Variants in PLCG2 observed in about 807,000 individuals in gnomAD.
The protein encoded by PLCG2 is phospholipase C gamma 2.
Under a neutral mutation model 175.6 loss-of-function variants are expected in PLCG2, and 69 were observed. That is an observed-to-expected ratio of 0.39 (90% CI 0.32 to 0.48). PLCG2 has a LOEUF of 0.48. Ranked by LOEUF, PLCG2 falls within the 20% of genes least tolerant of loss-of-function variation. The probability of loss-of-function intolerance (pLI) is 0.91; values close to 1 mark genes in which losing one functional copy is unlikely to be tolerated. For synonymous variants in PLCG2, 827 were observed against 624.0 expected, an observed-to-expected ratio of 1.33 and a Z score of -4.85; for missense variants, 1,798 against 1,650.9, an observed-to-expected ratio of 1.09 and a Z score of -1.54.
At chr16:81,860,461 C>T (rs918253000) in intron 5 of PLCG2, among the ~76,000 whole-genome samples, 3 of 151,928 alleles carry the variant, frequency 2.0e-5, no homozygotes, top group East Asian at 1.9e-4. Flanking sequence ...AGTTTGATAG[C>T]GAGAGGTAGC....
chr16:81,928,804 A>G (rs978274395), intron 24 of PLCG2, 180 bp downstream of exon 24: 35 of 553,634 alleles, frequency 6.3e-5, no homozygotes, highest in Admixed American at 3.2e-4. Flanking sequence ...TATGTCTGCT[A>G]TTAATCTCTA....
At chr16:81,906,431 T>G (rs1428431168) in intron 15 of PLCG2, 1 of 152,222 alleles carries the variant, frequency 6.6e-6, no homozygotes, top group East Asian at 1.9e-4. Flanking sequence ...TATTTATTAC[T>G]TATTTATTTA....
At chr16:81,835,470 T>G (rs1905465798) in intron 2 of PLCG2, among the ~76,000 whole-genome samples, 1 of 152,026 alleles carries the variant, frequency 6.6e-6, no homozygotes, top group Non-Finnish European at 1.5e-5. Flanking sequence ...GTGACACTAC[T>G]TGGGAGGCTG....
chr16:81,791,438 A>G (rs562394196), intron 2 of PLCG2, among the ~76,000 whole-genome samples: 142 of 152,272 alleles, frequency 9.3e-4, no homozygotes, highest in African/African-American at 3.3e-3. Flanking sequence ...CAGCTGGGCA[A>G]TTCTTCTACT....
intron 24 of PLCG2, among the ~76,000 whole-genome samples, chr16:81,930,839 G>A (rs903481602): frequency 6.6e-6 from 1 of 151,760 alleles, no homozygotes; most frequent in East Asian, 1.9e-4. Flanking sequence ...AATATGCTAA[G>A]TGAAACAGTT....
chr16:81,939,721 AG>A (rs1215713388), intron 29 of PLCG2, among the ~76,000 whole-genome samples, 170 bp from the exon 30 acceptor site: 2 of 152,190 alleles, frequency 1.3e-5, no homozygotes, highest in Non-Finnish European at 2.9e-5. Context: ...GGATTGCTCA[AG>A]GTGGGGTGGG....
At chr16:81,753,975 G>A (rs980560217) in intron 1 of PLCG2, among the ~76,000 whole-genome samples, 5 of 152,098 alleles carry the variant, frequency 3.3e-5, no homozygotes, top group Non-Finnish European at 7.4e-5. Context: ...CTGAGCCTGT[G>A]TGAGGCGCTG....
intron 9 of PLCG2, among the ~76,000 whole-genome samples, chr16:81,885,635 A>T (rs912925963): frequency 3.1e-4 from 38 of 120,816 alleles, no homozygotes; most frequent in South Asian, 1.7e-3. Flanking sequence ...TTTTTTTTTT[A>T]AAATATAGCC....
chr16:81,900,497 C>T (rs1484824210), intron 13 of PLCG2, 115 bp from the exon 14 acceptor site: 4 of 876,168 alleles, frequency 4.6e-6, no homozygotes, highest in South Asian at 4.1e-5. Context: ...GGGGTTGTGC[C>T]CCCCGAGCAG....
chr16:81,888,994 C>T (rs572645118), intron 9 of PLCG2, among the ~76,000 whole-genome samples, 178 bp from the exon 10 acceptor site: 1 of 152,186 alleles, frequency 6.6e-6, no homozygotes, highest in South Asian at 2.1e-4. Context: ...AGAACATTTG[C>T]TGACCCCTGG....
At chr16:81,855,240 T>C (rs7192115) in intron 3 of PLCG2, among the ~76,000 whole-genome samples, 39,755 of 151,072 alleles carry the variant, frequency 0.26, 5,655 homozygotes, top group Non-Finnish European at 0.32. Context: ...ACCTGTTTTC[T>C]TCCAGCAGAT....
At chr16:81,794,889 C>T (rs1911398160) in intron 2 of PLCG2, among the ~76,000 whole-genome samples, 1 of 152,170 alleles carries the variant, frequency 6.6e-6, no homozygotes, top group Admixed American at 6.5e-5. Flanking sequence ...TATGTGTCCT[C>T]CACTTTGGAG....
intron 31 of PLCG2, among the ~76,000 whole-genome samples, chr16:81,950,184 G>T (rs1372721785): frequency 6.6e-6 from 1 of 152,100 alleles, no homozygotes; most frequent in African/African-American, 2.4e-5. Flanking sequence ...TATTAGAAAA[G>T]AAATCTACCT....
intron 2 of PLCG2, among the ~76,000 whole-genome samples, chr16:81,765,054 C>G (rs903385805): frequency 6.6e-6 from 1 of 152,238 alleles, no homozygotes; most frequent in Admixed American, 6.5e-5. Flanking sequence ...CCCCATTGCA[C>G]TCCAGCCTGG....
At chr16:81,863,149 G>C (rs1210589722) in intron 5 of PLCG2, among the ~76,000 whole-genome samples, 3 of 152,128 alleles carry the variant, frequency 2.0e-5, no homozygotes, top group Non-Finnish European at 4.4e-5. Context: ...TCCATCTCCA[G>C]AACTTTTTAT....
chr16:81,741,664 A>T lies in PLCG2; in HGVS notation c.-145+2279A>T, dbSNP rs189682383. Among the ~76,000 whole-genome samples the T allele has an allele frequency of 3.9e-5, 6 of 152,154 alleles. No homozygotes were observed. In the East Asian group the frequency reaches 9.7e-4, roughly 25 times the overall value. ...GTCTCTACGAAAAATACAAAAATGA[A>T]CTTGGTGTGGTGGTGCAAGCCTGTA... On this transcript the variant is annotated intron_variant, in intron 1 of 5. Coordinates refer to the PLCG2 transcript ENST00000565054.
Position 81,891,504 on chromosome 16 carries a change from C to A in PLCG2, c.900C>A (p.Ser300Arg). ...CGTACCTGTTTTCACGAGAAAACAGCATCTGGGATGAGAAGTATGACGCGG... is the reference window on the plus strand; with the variant it reads ...CGTACCTGTTTTCACGAGAAAACAGAATCTGGGATGAGAAGTATGACGCGG... The part of the protein sequence containing the change: ...FLTYLFSREN[S>R]IWDEKYDAVD... Residue 300 changes from serine to arginine, a missense_variant, in exon 11 of 33, where the codon AGC (serine) becomes AGA (arginine). By Grantham distance (110) the Ser-to-Arg change is moderately radical. Coordinates refer to ENST00000564138, the MANE Select transcript of PLCG2 (RefSeq NM_002661.5). 1 of 1,609,782 alleles carries A rather than the reference C, an allele frequency of 6.2e-7. No homozygotes were observed. Among genetic ancestry groups the A allele is most frequent in the Non-Finnish European group, 8.5e-7 (1 of 1,176,028 alleles).
chr16:81,847,845 T>C (rs2143450606), intron 2 of PLCG2, among the ~76,000 whole-genome samples: 1 of 152,318 alleles, frequency 6.6e-6, no homozygotes, highest in African/African-American at 2.4e-5. Context: ...TTCTCTGCCA[T>C]TTTTTATCAG....
chr16:81,858,571 C>G (rs77170887), intron 4 of PLCG2, among the ~76,000 whole-genome samples: 2,230 of 152,182 alleles, frequency 0.015, 45 homozygotes, highest in African/African-American at 0.049. Flanking sequence ...CAGCGTTGGC[C>G]TATTGGAGTG....
Sources: allele counts gnomAD v4.1 joint callset (sites outside exome capture counted in the v4.1 genomes callset), GRCh38; gene constraint gnomAD v4.1.1; transcripts MANE v1.5; gene names NCBI Gene and HGNC (gene_info 2026-07-23, HGNC 2026-07-21).